Variants in DDX10 observed in about 807,000 individuals in gnomAD.
DDX10 encodes the protein probable ATP-dependent RNA helicase DDX10.
Under a neutral mutation model 104.3 loss-of-function variants are expected in DDX10, and 74 were observed. The ratio of observed to expected loss-of-function variants is 0.71; its 90% CI spans 0.59 to 0.86. The LOEUF (loss-of-function observed/expected upper bound fraction) is 0.86. Among genes scored for constraint, DDX10 ranks in the 40% least tolerant of loss-of-function variants. The pLI, the probability that DDX10 is intolerant of heterozygous loss-of-function variation, is 0.00. For synonymous variants in DDX10, 351 were observed against 353.4 expected, an observed-to-expected ratio of 0.99 and a Z score of 0.08; for missense variants, 952 against 1,040.0, an observed-to-expected ratio of 0.92 and a Z score of 1.16.
intron 13 of DDX10, among the ~76,000 whole-genome samples, chr11:108,826,071 G>T (rs1055385396): frequency 2.0e-5 from 3 of 152,178 alleles, no homozygotes; most frequent in African/African-American, 4.8e-5. Context: ...TAGGGTTGGG[G>T]TCTTATAGTT....
intron 13 of DDX10, among the ~76,000 whole-genome samples, chr11:108,830,078 G>GT (rs558776466): frequency 3.9e-5 from 6 of 152,122 alleles, no homozygotes; most frequent in Admixed American, 3.3e-4. Flanking sequence ...TTTCAGGATT[G>GT]TTTTTTCTAG....
intron 13 of DDX10, among the ~76,000 whole-genome samples, chr11:108,776,766 T>C (rs1346848890): frequency 6.6e-6 from 1 of 152,162 alleles, no homozygotes; most frequent in Non-Finnish European, 1.5e-5. Flanking sequence ...TGCTGGGTTA[T>C]AGATGGAGAC....
chr11:108,802,580 A>G (rs1862036889), intron 13 of DDX10, among the ~76,000 whole-genome samples: 1 of 152,146 alleles, frequency 6.6e-6, no homozygotes, highest in Admixed American at 6.6e-5. Context: ...TCATGTTTAC[A>G]ATAAGTTGCT....
At chr11:108,771,308 TCTTTA>T (rs1457322206) in intron 13 of DDX10, among the ~76,000 whole-genome samples, 1 of 152,072 alleles carries the variant, frequency 6.6e-6, no homozygotes, top group Non-Finnish European at 1.5e-5. Context: ...TGGGGGTGTC[TCTTTA>T]CTTTATTGAT....
At chr11:108,712,972 A>C (rs1253289664) in intron 10 of DDX10, among the ~76,000 whole-genome samples, 2 of 152,148 alleles carry the variant, frequency 1.3e-5, no homozygotes, top group Non-Finnish European at 2.9e-5. Flanking sequence ...CTCTCTCCAC[A>C]CTTTAAATAT....
intron 13 of DDX10, among the ~76,000 whole-genome samples, chr11:108,831,251 A>T (rs1000410899): frequency 6.6e-6 from 1 of 151,936 alleles, no homozygotes; most frequent in Non-Finnish European, 1.5e-5. Flanking sequence ...AAAAAATATA[A>T]AAATTAGCCA....
At chr11:108,746,613 A>G (rs947165415) in intron 13 of DDX10, among the ~76,000 whole-genome samples, 7 of 152,126 alleles carry the variant, frequency 4.6e-5, no homozygotes, top group Non-Finnish European at 1.0e-4. Flanking sequence ...GTATGCCTAT[A>G]TTTTAGAAGA....
intron 13 of DDX10, among the ~76,000 whole-genome samples, chr11:108,801,569 C>T (rs902440447): frequency 6.6e-6 from 1 of 152,130 alleles, no homozygotes; most frequent in Non-Finnish European, 1.5e-5. Context: ...CTCTTACAGC[C>T]CCCAATTCCT....
At chr11:108,843,813 A>T (rs1591833296) in intron 15 of DDX10, among the ~76,000 whole-genome samples, 2 of 152,078 alleles carry the variant, frequency 1.3e-5, no homozygotes, top group East Asian at 3.9e-4. Context: ...TGTCTGTCTT[A>T]TTCATACCTA....
intron 13 of DDX10, among the ~76,000 whole-genome samples, chr11:108,794,840 T>G (rs1411394170): frequency 6.6e-6 from 1 of 152,054 alleles, no homozygotes; most frequent in Middle Eastern, 3.2e-3. Flanking sequence ...CTCTTTTTTT[T>G]TTTTGAGACA....
chr11:108,779,647 A>G (rs988157832), intron 13 of DDX10, among the ~76,000 whole-genome samples: 1 of 152,206 alleles, frequency 6.6e-6, no homozygotes, highest in Non-Finnish European at 1.5e-5. Context: ...GTGCACATGT[A>G]CCCTAGAACT....
At position 108,927,963 on chromosome 11, in the gene DDX10, T is replaced by C. The variant is rs181370108; in HGVS notation, c.2450+9945T>C. ...TGGAACATCTTGAAGTTTGGTTTAG[T>C]GGTTCTGATTATTGTGTCCTCGCAG... On this transcript the variant is annotated intron_variant, in intron 17 of 17. Transcript: ENST00000322536. Among the ~76,000 whole-genome samples the C allele has an allele frequency of 5.8e-4, 89 of 152,256 alleles. 1 individual carries two copies. The highest frequency in any genetic ancestry group is 1.6e-3 in the Admixed American group (24 of 15,282).
intron 16 of DDX10, among the ~76,000 whole-genome samples, chr11:108,910,958 T>C (rs778555277): frequency 6.6e-6 from 1 of 152,172 alleles, no homozygotes; most frequent in Non-Finnish European, 1.5e-5. Flanking sequence ...ACAGCCAGAA[T>C]GCATAATCAG....
chr11:108,773,806 A>G (rs532629981), intron 13 of DDX10, among the ~76,000 whole-genome samples: 2 of 152,330 alleles, frequency 1.3e-5, no homozygotes, highest in East Asian at 3.9e-4. Flanking sequence ...AAAAAAACTC[A>G]TTTAATTGCT....
intron 14 of DDX10, among the ~76,000 whole-genome samples, chr11:108,839,939 T>C (rs1036385690): frequency 3.3e-4 from 51 of 152,324 alleles, no homozygotes; most frequent in African/African-American, 1.1e-3. Context: ...AGCTCCAAAA[T>C]GAATGTAAAT....
intron 13 of DDX10, among the ~76,000 whole-genome samples, chr11:108,748,561 C>T (rs1479741033): frequency 2.0e-5 from 3 of 152,176 alleles, no homozygotes; most frequent in South Asian, 4.1e-4. Flanking sequence ...GTACTGATTA[C>T]AACCGAATTA....
chr11:108,723,688 T>C (rs2094301709), intron 13 of DDX10, among the ~76,000 whole-genome samples: 1 of 152,172 alleles, frequency 6.6e-6, no homozygotes, highest in African/African-American at 2.4e-5. Flanking sequence ...TTTAATCTTA[T>C]TTACTGGTTT....
chr11:108,914,425 A>G (rs1863718613), intron 16 of DDX10, among the ~76,000 whole-genome samples: 1 of 152,158 alleles, frequency 6.6e-6, no homozygotes, highest in Non-Finnish European at 1.5e-5. Flanking sequence ...ATTCTTGGCT[A>G]AGTACCACAT....
rs548808411 is a variant in DDX10 at position 108,897,984 on chromosome 11, G to C, written c.2305-19889G>C. Reference sequence around the variant, plus strand: ...AAATTTTACCGTATAAGCAAAAGCTGTTCCTAGAGAGGGTATAGAAGAGAT... The same window carrying C: ...AAATTTTACCGTATAAGCAAAAGCTCTTCCTAGAGAGGGTATAGAAGAGAT... On this transcript the variant is annotated intron_variant, in intron 16 of 17. Transcript: ENST00000322536. Among the ~76,000 whole-genome samples, 40 of 152,100 alleles carry C rather than the reference G, an allele frequency of 2.6e-4. 1 individual carries two copies. The highest frequency in any genetic ancestry group is 5.6e-4 in the Non-Finnish European group (38 of 68,012).
Sources: allele counts gnomAD v4.1 joint callset (sites outside exome capture counted in the v4.1 genomes callset), GRCh38; gene constraint gnomAD v4.1.1; transcripts MANE v1.5; gene names NCBI Gene and HGNC (gene_info 2026-07-23, HGNC 2026-07-21).